STK10: variants seen among roughly 807,000 people sequenced by gnomAD.
The protein encoded by STK10 is serine/threonine-protein kinase 10.
In STK10, 78 loss-of-function variants were observed where a neutral mutation model predicts 113.8. That is an observed-to-expected ratio of 0.69 (90% CI 0.57 to 0.83). The LOEUF is 0.83. Among genes scored for constraint, STK10 ranks in the 40% least tolerant of loss-of-function variants. The pLI, the probability that STK10 is intolerant of heterozygous loss-of-function variation, is 0.00. For synonymous variants in STK10, 465 were observed against 494.7 expected, an observed-to-expected ratio of 0.94 and a Z score of 0.80; for missense variants, 1,109 against 1,280.1, an observed-to-expected ratio of 0.87 and a Z score of 2.04.
chr5:172,071,965 C>T (rs1768190856), intron 12 of STK10, among the ~76,000 whole-genome samples: 1 of 152,104 alleles, frequency 6.6e-6, no homozygotes, highest in Non-Finnish European at 1.5e-5. Flanking sequence ...ACAAGAAAAC[C>T]ACAGATCGAT....
At chr5:172,176,694 A>T (rs1381143164) in intron 1 of STK10, among the ~76,000 whole-genome samples, 1 of 152,164 alleles carries the variant, frequency 6.6e-6, no homozygotes, top group Non-Finnish European at 1.5e-5. Context: ...TTTGAGATCA[A>T]AACTGCCAAG....
chr5:172,107,550 T>C (rs1034657585), intron 5 of STK10, among the ~76,000 whole-genome samples: 3 of 152,258 alleles, frequency 2.0e-5, no homozygotes, highest in African/African-American at 7.2e-5. Flanking sequence ...TTTCATTTCA[T>C]TCTCACAGTA....
intron 1 of STK10, among the ~76,000 whole-genome samples, chr5:172,186,530 G>A (rs1770957072): frequency 6.6e-6 from 1 of 152,050 alleles, no homozygotes; most frequent in Non-Finnish European, 1.5e-5. Context: ...GCTGAGGCAG[G>A]AGAATTGCTT....
intron 2 of STK10, among the ~76,000 whole-genome samples, chr5:172,150,416 G>C (rs1770196895): frequency 6.6e-6 from 1 of 151,610 alleles, no homozygotes; most frequent in Non-Finnish European, 1.5e-5. Flanking sequence ...GGGAGGCAGA[G>C]GTTGCAGTGA....
intron 2 of STK10, among the ~76,000 whole-genome samples, chr5:172,146,057 G>T (rs908921668): frequency 6.6e-6 from 1 of 150,378 alleles, no homozygotes; most frequent in South Asian, 2.1e-4. Flanking sequence ...CACAGCACAC[G>T]TCACCAACTC....
chr5:172,120,675 C>T lies in STK10; in HGVS notation c.371-3045G>A, dbSNP rs1436885398. On this transcript the variant is annotated intron_variant, in intron 3 of 18. Coordinates refer to ENST00000176763, the MANE Select transcript of STK10 (RefSeq NM_005990.4). The surrounding 1 kb of genome is among the most constrained non-coding windows in gnomAD (Gnocchi z 4.0). ...TAATCGACATAGGCAGGGCTCCAGC[C>T]ATCAGCCATGTTCAGTTCTCAGTGT... Among the ~76,000 whole-genome samples, 1 of 152,184 alleles carries T rather than the reference C, an allele frequency of 6.6e-6. No homozygotes were observed. The highest frequency in any genetic ancestry group is 1.9e-4 in the East Asian group (1 of 5,194).
intron 7 of STK10, among the ~76,000 whole-genome samples, chr5:172,099,490 A>T (rs1768932386): frequency 6.6e-6 from 1 of 152,206 alleles, no homozygotes; most frequent in Non-Finnish European, 1.5e-5. Context: ...ACAGTGAACC[A>T]AGATCATGCC....
intron 8 of STK10, among the ~76,000 whole-genome samples, chr5:172,095,640 C>A (rs1264360392): frequency 2.6e-5 from 4 of 152,248 alleles, no homozygotes; most frequent in African/African-American, 9.6e-5. Context: ...TTTCCTTCTT[C>A]ACCCTGGTGA....
chr5:172,051,737 C>T (rs1208891740), intron 18 of STK10, among the ~76,000 whole-genome samples: 1 of 152,032 alleles, frequency 6.6e-6, no homozygotes, highest in African/African-American at 2.4e-5. Flanking sequence ...ACAAGGCAGG[C>T]GAGGAAGAGA....
intron 2 of STK10, among the ~76,000 whole-genome samples, chr5:172,137,619 G>A (rs371697106): frequency 2.0e-5 from 3 of 151,466 alleles, no homozygotes; most frequent in African/African-American, 4.9e-5. Flanking sequence ...AGTGGCTCAC[G>A]CCTGTAATCT....
At chr5:172,164,686 C>T (rs1296212031) in intron 1 of STK10, among the ~76,000 whole-genome samples, 2 of 152,190 alleles carry the variant, frequency 1.3e-5, no homozygotes, top group Non-Finnish European at 2.9e-5. Context: ...GTCCAACTCT[C>T]TCCATGCTCT....
At chr5:172,077,194 C>T (rs796762675) in intron 12 of STK10, among the ~76,000 whole-genome samples, 2 of 152,344 alleles carry the variant, frequency 1.3e-5, no homozygotes, top group African/African-American at 4.8e-5. Context: ...AGTTACTGAA[C>T]TCGTTCGAGT....
At chr5:172,124,297 G>A (rs115011373) in intron 3 of STK10, among the ~76,000 whole-genome samples, 2,464 of 152,258 alleles carry the variant, frequency 0.016, 70 homozygotes, top group African/African-American at 0.055. Flanking sequence ...GAAGTCTTCA[G>A]TTATTTGTGC....
At chr5:172,100,758 G>A (rs1373385532) in intron 7 of STK10, among the ~76,000 whole-genome samples, 1 of 152,122 alleles carries the variant, frequency 6.6e-6, no homozygotes, top group Non-Finnish European at 1.5e-5. Flanking sequence ...CTGTACTCCA[G>A]CCTGGGCAAC....
At position 172,043,620 on chromosome 5, in the gene STK10, TG is replaced by T. The variant is rs1406914898; in HGVS notation, c.*1261del. 6.6e-6 allele frequency: 1 copy of T among 152,218 alleles called. No individual in the cohort carries two copies. The highest frequency in any genetic ancestry group is 1.5e-5 in the Non-Finnish European group (1 of 68,032). The allele number at this position is 152,218 out of a possible 1,614,324, so 9.4% of individuals were successfully genotyped here. ...TTTCCTTGTAAGTAAACCCGCATAC[TG>T]GTTCAAACATTTGCTTTTATTGCGT... On this transcript the variant is annotated 3_prime_UTR_variant, in exon 19 of 19. Coordinates refer to ENST00000176763, the MANE Select transcript of STK10 (RefSeq NM_005990.4).
intron 1 of STK10, among the ~76,000 whole-genome samples, chr5:172,178,832 A>G (rs1338166259): frequency 2.6e-5 from 4 of 152,144 alleles, no homozygotes; most frequent in African/African-American, 7.2e-5. Context: ...TCTCAGCTGG[A>G]GCCATTATGC....
intron 12 of STK10, among the ~76,000 whole-genome samples, chr5:172,069,356 G>A (rs749839545): frequency 6.6e-6 from 1 of 152,096 alleles, no homozygotes; most frequent in Non-Finnish European, 1.5e-5. Flanking sequence ...GATACTGTAT[G>A]CAAACACTTA....
chr5:172,051,307 G>A (rs1161516524), intron 18 of STK10, among the ~76,000 whole-genome samples: 2 of 152,202 alleles, frequency 1.3e-5, no homozygotes, highest in African/African-American at 2.4e-5. Context: ...GGGAAGCTAA[G>A]GCAGGAGAAT....
intron 2 of STK10, among the ~76,000 whole-genome samples, chr5:172,146,639 C>T (rs147648451): frequency 3.9e-5 from 6 of 152,198 alleles, no homozygotes; most frequent in Non-Finnish European, 7.3e-5. Flanking sequence ...CCCAGCCTGG[C>T]GCACAGAGCC....
Sources: gnomAD v4.1 joint callset for allele counts (sites outside exome capture counted in the v4.1 genomes callset) on GRCh38, gnomAD v4.1.1 for gene constraint, Gnocchi (gnomAD v3.1) non-coding constraint, MANE v1.5 for transcripts, NCBI Gene and HGNC (gene_info 2026-07-23, HGNC 2026-07-21) for gene names.